RASEF: variants seen among roughly 807,000 people sequenced by gnomAD.
RASEF encodes RAS and EF-hand domain containing, also known as ras and EF-hand domain-containing protein.
A neutral mutation model predicts 90.1 loss-of-function variants in RASEF; 68 were observed. The observed-to-expected ratio is 0.75, with a 90% confidence interval of 0.62 to 0.92. The LOEUF (loss-of-function observed/expected upper bound fraction) is 0.92, where lower values mean the gene tolerates loss of function less well. Ranked by LOEUF, RASEF falls within the 40% of genes least tolerant of loss-of-function variation. RASEF has a pLI of 0.00. For missense variants in RASEF, 949 were observed against 937.2 expected (o/e 1.01, Z -0.16); for synonymous variants, 331 against 345.2 (o/e 0.96, Z 0.46).
At chr9:83,163,568 C>G in the RASEF span, among the ~76,000 whole-genome samples, 2 of 152,074 alleles carry the variant, frequency 1.3e-5, no homozygotes, top group Admixed American at 6.6e-5. Flanking sequence ...ATCAAAAACA[C>G]TGAAACAGAA....
intron 1 of RASEF, among the ~76,000 whole-genome samples, chr9:83,056,431 G>A (rs781538181): frequency 6.6e-6 from 1 of 152,102 alleles, no homozygotes; most frequent in Non-Finnish European, 1.5e-5. Context: ...CTGCACTCAA[G>A]TGCTACCTAA....
chr9:83,155,692 C>T, the RASEF span, among the ~76,000 whole-genome samples: 6 of 152,298 alleles, frequency 3.9e-5, no homozygotes, highest in East Asian at 5.8e-4. Context: ...GTGAAAAATA[C>T]ACAAAGCTTC....
chr9:83,010,816 G>C lies in RASEF; in HGVS notation c.844-1060C>G, dbSNP rs147272944. Among the ~76,000 whole-genome samples the C allele has an allele frequency of 3.2e-3, 480 of 152,188 alleles. 3 individuals are homozygous for C. The highest frequency in any genetic ancestry group is 0.011 in the African/African-American group (447 of 41,522). The stretch of plus-strand genomic sequence containing the variant: ...AGAGCTCCTTGGAAGACACTCTCTC[G>C]GGAGAAAGGCCTTCAGGTGAGCATA... On this transcript the variant is annotated intron_variant, in intron 5 of 16. Coordinates refer to ENST00000376447, the MANE Select transcript of RASEF (RefSeq NM_152573.4).
chr9:82,989,869 T>C (rs1349539093), intron 16 of RASEF, among the ~76,000 whole-genome samples: 1 of 152,198 alleles, frequency 6.6e-6, no homozygotes, highest in Non-Finnish European at 1.5e-5. Context: ...TTAAAACACA[T>C]ACATTTATAT....
the RASEF span, among the ~76,000 whole-genome samples, chr9:83,114,758 C>T: frequency 1.3e-5 from 2 of 152,196 alleles, no homozygotes; most frequent in African/African-American, 4.8e-5. Flanking sequence ...AAATTTTGGT[C>T]AGACCGGTTG....
chr9:83,189,815 G>A, the RASEF span, among the ~76,000 whole-genome samples: 1 of 152,082 alleles, frequency 6.6e-6, no homozygotes, highest in Non-Finnish European at 1.5e-5. Context: ...CTGTCCCTTT[G>A]TTTCTCATTT....
chr9:83,100,185 T>C, the RASEF span, among the ~76,000 whole-genome samples: 51 of 152,316 alleles, frequency 3.3e-4, no homozygotes, highest in African/African-American at 1.2e-3. Flanking sequence ...CTAAATACAT[T>C]ATCTAGCAAG....
At chr9:83,204,079 G>A in the RASEF span, among the ~76,000 whole-genome samples, 3 of 152,196 alleles carry the variant, frequency 2.0e-5, no homozygotes, top group African/African-American at 7.2e-5. Context: ...AGAGCAGATG[G>A]TAAGAAGGTG....
the RASEF span, among the ~76,000 whole-genome samples, chr9:83,073,659 G>A: frequency 6.6e-6 from 1 of 152,188 alleles, no homozygotes; most frequent in African/African-American, 2.4e-5. Flanking sequence ...TTGCTGTAGT[G>A]TACATATAAA....
chr9:83,151,430 G>A, the RASEF span, among the ~76,000 whole-genome samples: 1 of 152,148 alleles, frequency 6.6e-6, no homozygotes, highest in Non-Finnish European at 1.5e-5. Context: ...CTTTCTAGAT[G>A]GGCCAGCAGG....
chr9:83,147,155 T>G, the RASEF span, among the ~76,000 whole-genome samples: 12 of 151,544 alleles, frequency 7.9e-5, no homozygotes, highest in Admixed American at 7.9e-4. Context: ...GAAAGAACAA[T>G]TATGTAACAG....
chr9:83,139,342 T>C, the RASEF span, among the ~76,000 whole-genome samples: 388 of 152,296 alleles, frequency 2.5e-3, 1 homozygote, highest in African/African-American at 9.0e-3. Flanking sequence ...GGTCCCAGCA[T>C]AGTCACAAAT....
At chr9:83,197,253 C>T in the RASEF span, among the ~76,000 whole-genome samples, 1 of 152,200 alleles carries the variant, frequency 6.6e-6, no homozygotes, top group African/African-American at 2.4e-5. Context: ...TCCCTCATCA[C>T]ACAGAGCTTT....
chr9:83,158,997 T>A, the RASEF span, among the ~76,000 whole-genome samples: 7 of 150,874 alleles, frequency 4.6e-5, no homozygotes, highest in African/African-American at 1.7e-4. Flanking sequence ...CCATCCTGGC[T>A]AACATGGTGA....
the RASEF span, among the ~76,000 whole-genome samples, chr9:83,144,694 A>T: frequency 1.3e-5 from 2 of 152,218 alleles, no homozygotes; most frequent in Non-Finnish European, 2.9e-5. Flanking sequence ...GCACAAAAGG[A>T]AACAGCACCC....
chr9:83,002,157 G>A (rs564754001), intron 9 of RASEF, among the ~76,000 whole-genome samples: 5 of 152,198 alleles, frequency 3.3e-5, no homozygotes, highest in African/African-American at 7.2e-5. Context: ...TTGCTTACAC[G>A]AATCATTGGA....
intron 8 of RASEF, among the ~76,000 whole-genome samples, chr9:83,004,815 G>A (rs907759229): frequency 1.2e-4 from 19 of 152,070 alleles, no homozygotes; most frequent in African/African-American, 4.3e-4. Context: ...CCTATCTTAC[G>A]TCCAAACCCT....
rs149344333 is a variant in RASEF at position 83,009,239 on chromosome 9, T to C, written c.959+402A>G. ...TGTCTGTGAATGTATGTATGTGTAT[T>C]AGGTTTTATGGTATTAACACCATAC... On this transcript the variant is annotated intron_variant, in intron 6 of 16. Transcript: ENST00000376447. 7.1e-3 allele frequency among the ~76,000 whole-genome samples: 1,083 copies of C among 152,154 alleles called. 7 individuals carry two copies. Among genetic ancestry groups the C allele is most frequent in the Non-Finnish European group, 0.011 (756 of 67,992 alleles).
chr9:83,113,024 C>T, the RASEF span, among the ~76,000 whole-genome samples: 1 of 151,938 alleles, frequency 6.6e-6, no homozygotes, highest in Admixed American at 6.6e-5. Context: ...TTTTAAAAGT[C>T]AATTTTCAAC....
Sources: allele counts gnomAD v4.1 joint callset (sites outside exome capture counted in the v4.1 genomes callset), GRCh38; gene constraint gnomAD v4.1.1; transcripts MANE v1.5; gene names NCBI Gene and HGNC (gene_info 2026-07-23, HGNC 2026-07-21).